The following ERICH1 variants were observed in gnomAD, a reference collection of about 807,000 sequenced individuals.
The protein encoded by ERICH1 is glutamate rich 1, also known as glutamate-rich protein 1.
ERICH1 carries 56 observed loss-of-function variants against 39.6 expected under a neutral mutation model. The observed-to-expected ratio is 1.41, with a 90% CI of 1.14 to 1.77. The LOEUF (loss-of-function observed/expected upper bound fraction) is 1.77, where lower values mean the gene tolerates loss of function less well. Among genes scored for constraint, ERICH1 ranks in the 40% most tolerant of loss-of-function variants. The probability of loss-of-function intolerance (pLI) is 0.00; values close to 1 mark genes in which losing one functional copy is unlikely to be tolerated. For missense variants in ERICH1, 826 were observed against 575.4 expected (o/e 1.44, Z -4.45); for synonymous variants, 313 against 223.6 (o/e 1.40, Z -3.57).
chr8:672,346 C>T lies in ERICH1; in HGVS notation c.1063+943G>A, dbSNP rs552127160. ...TGTTAATACAATCTGCTGAGAAACA[C>T]GCTAAAGAGGAAGAGGCTAGAGTGC... On this transcript the variant is annotated intron_variant, in intron 4 of 5. Transcript: ENST00000262109. 3.3e-5 allele frequency: 5 copies of T among 152,338 alleles called. No homozygotes were observed. In the South Asian group the frequency reaches 8.3e-4, roughly 25 times the overall value. 9.4% of individuals were successfully genotyped at this position (152,338 alleles called of 1,614,324 possible).
chr8:718,742 C>CCTT (rs1329017543), intron 1 of ERICH1, among the ~76,000 whole-genome samples: 1 of 152,196 alleles, frequency 6.6e-6, no homozygotes, highest in Admixed American at 6.5e-5. Context: ...AGCCAGGAAT[C>CCTT]AATCTGCTGG....
chr8:654,716 C>A (rs1213150325), intron 3 of ERICH1, among the ~76,000 whole-genome samples: 3 of 152,164 alleles, frequency 2.0e-5, no homozygotes, highest in Non-Finnish European at 2.9e-5. Context: ...CCCCCCCAGG[C>A]TGCCATGGAG....
intron 2 of ERICH1, among the ~76,000 whole-genome samples, chr8:703,685 A>C (rs922805147): frequency 6.6e-6 from 1 of 152,206 alleles, no homozygotes; most frequent in Non-Finnish European, 1.5e-5. Context: ...CAGTGACAAA[A>C]ACGAAGGGTG....
chr8:631,071 T>C lies in ERICH1; in HGVS notation c.977-15787A>G, dbSNP rs1026504310. 9.5e-5 allele frequency among the ~76,000 whole-genome samples: 13 copies of C among 136,810 alleles called. 1 individual carries two copies. The highest frequency in any genetic ancestry group is 2.4e-4 in the South Asian group (1 of 4,110). 89.8% of individuals were successfully genotyped at this position (136,810 alleles called of 152,430 possible). On this transcript the variant is annotated intron_variant, in intron 3 of 3. Coordinates refer to the ERICH1 transcript ENST00000522706. The stretch of plus-strand genomic sequence containing the variant: ...CACCCACATTGACAGAGCTGACTCA[T>C]ACCCTCCCATGAGCAACCATGTGGA...
intron 2 of ERICH1, among the ~76,000 whole-genome samples, chr8:708,707 T>TTG (rs1814011033): frequency 1.7e-5 from 2 of 119,338 alleles, no homozygotes; most frequent in South Asian, 5.7e-4. Context: ...TTTTTTTTTT[T>TTG]TTTTGAGACA....
At chr8:618,652 C>G (rs539722937) in intron 3 of ERICH1, among the ~76,000 whole-genome samples, 1 of 152,326 alleles carries the variant, frequency 6.6e-6, no homozygotes, top group Admixed American at 6.5e-5. Flanking sequence ...AACCTCTTTC[C>G]AGGCTGTGGT....
downstream of ERICH1, among the ~76,000 whole-genome samples, chr8:661,219 T>G (rs1172203523): frequency 6.6e-6 from 1 of 152,104 alleles, no homozygotes; most frequent in Non-Finnish European, 1.5e-5. Context: ...TGAGAGGACA[T>G]GTCACCTGGA....
rs1383722200 is a variant in ERICH1 at position 700,406 on chromosome 8, CAGGCGCACAGGCCCGCAG to C, written c.170-7812_170-7795del. On this transcript the variant is annotated intron_variant, in intron 2 of 5. Coordinates refer to ENST00000262109, the MANE Select transcript of ERICH1 (RefSeq NM_207332.3). ...GCCCGCACACGCGCACAGGCCCGCA[CAGGCGCACAGGCCCGCAG>C]ACGCGCACAGGCCCTCACAGGCCAC... Among the ~76,000 whole-genome samples the C allele has an allele frequency of 2.1e-3, 189 of 89,700 alleles. 11 individuals are homozygous for C. Among genetic ancestry groups the C allele is most frequent in the African/African-American group, 4.7e-3 (114 of 24,180 alleles). The allele number at this position is 89,700 out of a possible 152,430, so 58.8% of individuals were successfully genotyped here.
At chr8:691,868 C>T (rs1808978169) in intron 3 of ERICH1, among the ~76,000 whole-genome samples, 1 of 152,120 alleles carries the variant, frequency 6.6e-6, no homozygotes, top group African/African-American at 2.4e-5. Flanking sequence ...CTCTTGTGCA[C>T]CTTAAAAAAG....
chr8:693,380 TA>T (rs1232978403), intron 2 of ERICH1, among the ~76,000 whole-genome samples: 7 of 152,384 alleles, frequency 4.6e-5, no homozygotes, highest in African/African-American at 1.7e-4. Flanking sequence ...TAAAATGACA[TA>T]TTGTAACTTA....
At chr8:695,905 C>CGCCTGT (rs1416050558) in intron 2 of ERICH1, among the ~76,000 whole-genome samples, 9 of 101,420 alleles carry the variant, frequency 8.9e-5, no homozygotes, top group East Asian at 6.1e-4. Context: ...CATCAGCCTG[C>CGCCTGT]ACTCGCTCCT....
intron 3 of ERICH1, among the ~76,000 whole-genome samples, chr8:621,282 GA>G: frequency 6.6e-6 from 1 of 152,158 alleles, no homozygotes; most frequent in East Asian, 1.9e-4. Flanking sequence ...GTGCCCAGAG[GA>G]AAAGTTATAG....
rs143705254 is a variant in ERICH1 at position 685,576 on chromosome 8, T to C, written c.304+6902A>G. 6.4e-3 allele frequency among the ~76,000 whole-genome samples: 975 copies of C among 152,260 alleles called. 10 individuals are homozygous for C. Among genetic ancestry groups the C allele is most frequent in the African/African-American group, 0.02 (849 of 41,536 alleles). On this transcript the variant is annotated intron_variant, in intron 3 of 5. Transcript: ENST00000262109. The stretch of plus-strand genomic sequence containing the variant: ...AATCTTCACAATTTATGTTCAGAGA[T>C]TGCAATAAAGACAGGCATAAGAAAT...
At chr8:660,632 A>G (rs1801289396), downstream of ERICH1, among the ~76,000 whole-genome samples, 1 of 152,220 alleles carries the variant, frequency 6.6e-6, no homozygotes, top group Admixed American at 6.5e-5. Context: ...GCCTGTGGTC[A>G]TTTGTTATGC....
chr8:674,110 C>T lies in ERICH1; in HGVS notation c.305-63G>A, dbSNP rs1034318714. 4 of 1,469,970 alleles carry T rather than the reference C, an allele frequency of 2.7e-6. No homozygotes were observed. The African/African-American group carries it at 5.7e-5, about 21-fold the overall frequency. 91.1% of individuals were successfully genotyped at this position (1,469,970 alleles called of 1,614,324 possible). ...ATGAAACCATAACAAACATATTAGGCTAAATAAATTTTCCATCAGGATCTT... is the reference window on the plus strand; with the variant it reads ...ATGAAACCATAACAAACATATTAGGTTAAATAAATTTTCCATCAGGATCTT... On this transcript the variant is annotated intron_variant, in intron 3 of 5. Transcript: ENST00000262109.
intron 3 of ERICH1, among the ~76,000 whole-genome samples, chr8:624,862 G>C (rs1195110639): frequency 6.6e-6 from 1 of 152,102 alleles, no homozygotes; most frequent in African/African-American, 2.4e-5. Flanking sequence ...GAGTAGCTGG[G>C]ACTACAGGTG....
chr8:615,139 C>T, exon 4 of ERICH1: 2 of 614,476 alleles, frequency 3.3e-6, no homozygotes, highest in African/African-American at 1.8e-5. Context: ...TCCCGGTCCA[C>T]TGCTTAAAAA....
In ERICH1 at chr8:673,394, C is replaced by T. The variant is rs1405472954; in HGVS notation, c.958G>A (p.Glu320Lys). The change falls in exon 4 of 6, where the codon GAG (glutamate) becomes AAG (lysine). Residue 320 changes from glutamate (E) to lysine (K), a missense_variant. Physicochemically the swap from Glu to Lys is moderately conservative, Grantham distance 56. Coordinates refer to ENST00000262109, the MANE Select transcript of ERICH1 (RefSeq NM_207332.3). Reference sequence around the variant, plus strand: ...TCCTCGCTGGCGTCTGCACCGTCCTCCTCCCCGGAGTCTGCACCCTCTTCC... The same window carrying T: ...TCCTCGCTGGCGTCTGCACCGTCCTTCTCCCCGGAGTCTGCACCCTCTTCC... Reference protein sequence around the residue: ...GEEEGADSGEEDGADASEEDD... With the variant: ...GEEEGADSGEKDGADASEEDD... 1 of 1,614,112 alleles carries T rather than the reference C, an allele frequency of 6.2e-7. No individual in the cohort carries two copies.
chr8:683,389 G>C (rs1329973986), intron 3 of ERICH1, among the ~76,000 whole-genome samples: 1 of 152,242 alleles, frequency 6.6e-6, no homozygotes, highest in East Asian at 1.9e-4. Flanking sequence ...ACCAAGGACT[G>C]CCTGTGAGAC....
Sources: allele counts gnomAD v4.1 joint callset (sites outside exome capture counted in the v4.1 genomes callset), GRCh38; gene constraint gnomAD v4.1.1; transcripts MANE v1.5; gene names NCBI Gene and HGNC (gene_info 2026-07-23, HGNC 2026-07-21).